Variants in DLGAP1 observed in about 807,000 individuals in gnomAD.
DLGAP1 encodes disks large-associated protein 1.
DLGAP1 carries 11 observed loss-of-function variants against 90.8 expected under a neutral mutation model. The ratio of observed to expected loss-of-function variants is 0.12; its 90% CI spans 0.08 to 0.20. The LOEUF is 0.20. Ranked by LOEUF, DLGAP1 falls within the 10% of genes least tolerant of loss-of-function variation. The pLI is 1.00. For synonymous variants in DLGAP1, 558 were observed against 540.7 expected (o/e 1.03, Z -0.44); for missense variants, 1,050 against 1,333.8 (o/e 0.79, Z 3.31).
At chr18:3,846,724 A>G (rs182396006) in intron 4 of DLGAP1, among the ~76,000 whole-genome samples, 181 of 152,348 alleles carry the variant, frequency 1.2e-3, no homozygotes, top group Non-Finnish European at 1.8e-3. Flanking sequence ...TATTCTATTT[A>G]TATGAAATGT....
intron 7 of DLGAP1, among the ~76,000 whole-genome samples, chr18:3,663,356 C>A (rs935719908): frequency 6.6e-6 from 1 of 152,004 alleles, no homozygotes; most frequent in African/African-American, 2.4e-5. Flanking sequence ...TTTTGCCTTA[C>A]AGAAGATGTG....
chr18:3,853,105 G>A (rs1252367760), intron 4 of DLGAP1, among the ~76,000 whole-genome samples: 1 of 151,644 alleles, frequency 6.6e-6, no homozygotes, highest in African/African-American at 2.4e-5. Context: ...AAATTAATAG[G>A]GTCTGGTCTT....
intron 3 of DLGAP1, among the ~76,000 whole-genome samples, chr18:3,938,139 C>T (rs1050011956): frequency 5.3e-5 from 8 of 152,084 alleles, no homozygotes; most frequent in Admixed American, 1.3e-4. Flanking sequence ...CACTAGAAGC[C>T]GAAACATACA....
intron 2 of DLGAP1, among the ~76,000 whole-genome samples, chr18:4,043,545 CTTAT>C (rs58833523): frequency 3.3e-5 from 5 of 151,762 alleles, no homozygotes; most frequent in African/African-American, 7.3e-5. Context: ...TAACCTACAT[CTTAT>C]TTATTTATTT....
intron 1 of DLGAP1, among the ~76,000 whole-genome samples, chr18:4,217,229 G>T (rs1440610491): frequency 6.6e-6 from 1 of 152,006 alleles, no homozygotes; most frequent in Admixed American, 6.6e-5. Flanking sequence ...TTTCTTTTTA[G>T]CATTGAATAA....
intron 7 of DLGAP1, among the ~76,000 whole-genome samples, chr18:3,689,372 G>A (rs1311094616): frequency 6.6e-6 from 1 of 152,164 alleles, no homozygotes; most frequent in Non-Finnish European, 1.5e-5. Flanking sequence ...ATGGGTTTCA[G>A]GAATGTAATT....
At chr18:3,810,179 C>T (rs552302763) in intron 5 of DLGAP1, among the ~76,000 whole-genome samples, 11 of 152,226 alleles carry the variant, frequency 7.2e-5, no homozygotes, top group African/African-American at 2.6e-4. Flanking sequence ...AGAGTAGCTA[C>T]AGGAGGGGTT....
intron 10 of DLGAP1, among the ~76,000 whole-genome samples, chr18:3,514,176 G>A (rs917294604): frequency 2.0e-4 from 30 of 150,230 alleles, no homozygotes; most frequent in Middle Eastern, 3.4e-3. Context: ...GCACGATCTC[G>A]GCTCACTGCA....
At chr18:3,655,980 G>A (rs879209414) in intron 7 of DLGAP1, 10 of 1,101,408 alleles carry the variant, frequency 9.1e-6, no homozygotes, top group Admixed American at 5.7e-5. Flanking sequence ...CTGGCAATTC[G>A]CACATGGCGT....
chr18:3,561,316 A>G (rs1374684560), intron 9 of DLGAP1, among the ~76,000 whole-genome samples: 1 of 148,582 alleles, frequency 6.7e-6, no homozygotes, highest in South Asian at 2.1e-4. Flanking sequence ...GGTGCCTGTA[A>G]TCCTAACTAC....
At chr18:4,262,661 G>A (rs901210240) in intron 1 of DLGAP1, among the ~76,000 whole-genome samples, 4 of 152,158 alleles carry the variant, frequency 2.6e-5, no homozygotes, top group Non-Finnish European at 5.9e-5. Context: ...CAGGTGCTAC[G>A]TGGGCAACAC....
At chr18:3,863,571 C>T (rs917779173) in intron 4 of DLGAP1, among the ~76,000 whole-genome samples, 2 of 152,222 alleles carry the variant, frequency 1.3e-5, no homozygotes, top group Non-Finnish European at 2.9e-5. Context: ...CCAGAGGCAT[C>T]TAAATTCTCT....
chr18:4,131,277 A>T (rs989909936), intron 2 of DLGAP1, among the ~76,000 whole-genome samples: 3 of 152,200 alleles, frequency 2.0e-5, no homozygotes, highest in Non-Finnish European at 4.4e-5. Context: ...AGAAAGTCAA[A>T]CCATGTGTGG....
At chr18:4,388,205 T>C (rs2082274219) in intron 1 of DLGAP1, among the ~76,000 whole-genome samples, 2 of 151,794 alleles carry the variant, frequency 1.3e-5, no homozygotes, top group African/African-American at 4.8e-5. Flanking sequence ...TGTTAAGAAA[T>C]GCAGCAGACA....
intron 7 of DLGAP1, among the ~76,000 whole-genome samples, chr18:3,608,898 A>G (rs2057455032): frequency 6.6e-6 from 1 of 152,166 alleles, no homozygotes; most frequent in African/African-American, 2.4e-5. Flanking sequence ...AGTGTAGTGC[A>G]CGATCTCAGC....
chr18:4,007,398 G>A (rs958959006), intron 2 of DLGAP1, among the ~76,000 whole-genome samples: 3 of 152,164 alleles, frequency 2.0e-5, no homozygotes, highest in Admixed American at 2.0e-4. Flanking sequence ...GCTCACGCCT[G>A]TAATCCTAGC....
intron 1 of DLGAP1, among the ~76,000 whole-genome samples, chr18:4,371,017 C>T (rs1443730348): frequency 6.6e-6 from 1 of 152,140 alleles, no homozygotes; most frequent in African/African-American, 2.4e-5. Context: ...CACACAGATG[C>T]ATGCCATCAA....
rs116473276 is a variant in DLGAP1 at position 4,336,101 on chromosome 18, G to A, written c.-267+118905C>T. On this transcript the variant is annotated intron_variant, in intron 1 of 12. Coordinates refer to ENST00000315677, the MANE Select transcript of DLGAP1 (RefSeq NM_004746.4). ...TATCACTATTAGCATACTGCAGTAC[G>A]TCTATTACAGTGCACGTGCCGACAA... 7.2e-3 allele frequency among the ~76,000 whole-genome samples: 1,099 copies of A among 152,274 alleles called. 11 individuals are homozygous for A. Among genetic ancestry groups the A allele is most frequent in the African/African-American group, 0.025 (1,051 of 41,534 alleles).
intron 7 of DLGAP1, among the ~76,000 whole-genome samples, chr18:3,657,850 C>A (rs967239796): frequency 1.3e-5 from 2 of 151,882 alleles, no homozygotes; most frequent in East Asian, 3.9e-4. Flanking sequence ...GTGATCCGCC[C>A]GCCTCGGCCT....
Sources: allele counts gnomAD v4.1 joint callset (sites outside exome capture counted in the v4.1 genomes callset), GRCh38; gene constraint gnomAD v4.1.1; transcripts MANE v1.5; gene names NCBI Gene and HGNC (gene_info 2026-07-23, HGNC 2026-07-21).